Variants in ARHGEF3 observed in about 807,000 individuals in gnomAD.
ARHGEF3 encodes Rho guanine nucleotide exchange factor 3.
Under a neutral mutation model 63.2 loss-of-function variants are expected in ARHGEF3, and 28 were observed. That is an observed-to-expected ratio of 0.44 (90% CI 0.33 to 0.61). The LOEUF (loss-of-function observed/expected upper bound fraction) is 0.61. Among genes scored for constraint, ARHGEF3 ranks in the 20% least tolerant of loss-of-function variants. ARHGEF3 has a pLI of 0.03. For missense variants in ARHGEF3, 533 were observed against 659.3 expected (o/e 0.81, Z 2.10); for synonymous variants, 266 against 254.2 (o/e 1.05, Z -0.44).
chr3:57,013,152 C>T (rs1702778576), intron 2 of ARHGEF3, among the ~76,000 whole-genome samples: 1 of 152,254 alleles, frequency 6.6e-6, no homozygotes, highest in African/African-American at 2.4e-5. Context: ...GCCCCCCGCC[C>T]TGGCGGTGGG....
At position 56,967,101 on chromosome 3, in the gene ARHGEF3, G is replaced by A. The variant is rs1043627775; in HGVS notation, c.63-8212C>T. ...TGGTCTCGAACTCCCGACCTCAAGTGATCTGCCTGCCTCGGCCTCCGAAAG... is the reference window on the plus strand; with the variant it reads ...TGGTCTCGAACTCCCGACCTCAAGTAATCTGCCTGCCTCGGCCTCCGAAAG... On this transcript the variant is annotated intron_variant, in intron 2 of 12. Transcript: ENST00000338458. 2.0e-5 allele frequency among the ~76,000 whole-genome samples: 3 copies of A among 147,994 alleles called. No individual in the cohort carries two copies. In the South Asian group the frequency reaches 6.3e-4, roughly 31 times the overall value.
At position 57,038,015 on chromosome 3, in the gene ARHGEF3, TG is replaced by T. The variant is rs557448228; in HGVS notation, c.-27-2840del. ...TGACACGGACATTGACATGGATTGT[TG>T]CATCAAATTCTCACACCAGCCCTAG... On this transcript the variant is annotated intron_variant, in intron 1 of 12. Coordinates refer to the ARHGEF3 transcript ENST00000338458. Among the ~76,000 whole-genome samples, 32 of 152,378 alleles carry T rather than the reference TG, an allele frequency of 2.1e-4. No individual in the cohort carries two copies. The South Asian group carries it at 6.6e-3, about 32-fold the overall frequency.
intron 2 of ARHGEF3, among the ~76,000 whole-genome samples, chr3:56,768,667 C>CA (rs770390697): frequency 0.04 from 1,739 of 43,974 alleles, 28 homozygotes; most frequent in African/African-American, 0.076. Context: ...AAGCAAAATG[C>CA]AAAAAAAAAA....
chr3:56,919,880 G>C (rs968057520), intron 3 of ARHGEF3, among the ~76,000 whole-genome samples: 3 of 152,190 alleles, frequency 2.0e-5, no homozygotes, highest in Admixed American at 6.5e-5. Flanking sequence ...GGTTGGTCAG[G>C]AGTGGGGCCT....
intron 2 of ARHGEF3, among the ~76,000 whole-genome samples, chr3:56,968,021 CATAT>C (rs368043933): frequency 1.9e-5 from 1 of 52,816 alleles, no homozygotes; most frequent in Non-Finnish European, 3.1e-5. Flanking sequence ...AAATATAAAA[CATAT>C]ATATTTAATA....
At chr3:56,761,952 T>C (rs1239759838) in intron 2 of ARHGEF3, among the ~76,000 whole-genome samples, 2 of 152,206 alleles carry the variant, frequency 1.3e-5, no homozygotes, top group Admixed American at 6.5e-5. Context: ...AGTTTACTTC[T>C]TGGCCTGTAG....
At chr3:57,074,452 G>A (rs1168595519) in intron 1 of ARHGEF3, 6 of 610,446 alleles carry the variant, frequency 9.8e-6, no homozygotes, top group Non-Finnish European at 1.8e-5. Context: ...TATCACAGAT[G>A]AAGAAATCAA....
At chr3:57,028,007 A>G (rs1187131820) in intron 2 of ARHGEF3, among the ~76,000 whole-genome samples, 1 of 152,038 alleles carries the variant, frequency 6.6e-6, no homozygotes, top group African/African-American at 2.4e-5. Flanking sequence ...ATCTCACATC[A>G]GTTAGAATGG....
chr3:57,028,980 GACACACACAC>G (rs58006138), intron 2 of ARHGEF3, among the ~76,000 whole-genome samples: 2 of 142,144 alleles, frequency 1.4e-5, no homozygotes, highest in African/African-American at 5.2e-5. Context: ...TAATGGTGAA[GACACACACAC>G]ACACACACAC....
chr3:56,780,599 C>T (rs1052834702), intron 1 of ARHGEF3, among the ~76,000 whole-genome samples: 11 of 152,046 alleles, frequency 7.2e-5, no homozygotes, highest in Non-Finnish European at 1.5e-4. Flanking sequence ...AGTTATATTT[C>T]TGTCCCATCT....
chr3:56,785,126 C>A (rs1356802217), intron 1 of ARHGEF3, among the ~76,000 whole-genome samples: 1 of 152,128 alleles, frequency 6.6e-6, no homozygotes, highest in Non-Finnish European at 1.5e-5. Context: ...GCTAGAGTTC[C>A]ACGTCACCTG....
intron 3 of ARHGEF3, among the ~76,000 whole-genome samples, chr3:56,891,460 A>G (rs1160506983): frequency 1.3e-5 from 2 of 151,960 alleles, no homozygotes; most frequent in African/African-American, 4.8e-5. Context: ...AGAAATGGGA[A>G]ATCATGATGT....
chr3:56,750,259 C>T (rs1447388771), intron 6 of ARHGEF3, among the ~76,000 whole-genome samples: 7 of 152,088 alleles, frequency 4.6e-5, no homozygotes, highest in Non-Finnish European at 1.0e-4. Flanking sequence ...GAATAGGGAG[C>T]GGTGGGGACT....
At chr3:56,919,420 T>C (rs2042069249) in intron 3 of ARHGEF3, among the ~76,000 whole-genome samples, 1 of 152,234 alleles carries the variant, frequency 6.6e-6, no homozygotes, top group East Asian at 1.9e-4. Context: ...AACATTGTTC[T>C]ACCACTTGCT....
At chr3:56,869,374 G>A (rs1484927617) in intron 4 of ARHGEF3, among the ~76,000 whole-genome samples, 1 of 152,186 alleles carries the variant, frequency 6.6e-6, no homozygotes, top group Non-Finnish European at 1.5e-5. Context: ...TGCTCATACT[G>A]AGTCAGCTCT....
intron 1 of ARHGEF3, among the ~76,000 whole-genome samples, chr3:57,065,444 G>C (rs558925466): frequency 2.0e-5 from 3 of 151,844 alleles, no homozygotes; most frequent in African/African-American, 7.3e-5. Flanking sequence ...CTGGGCAACA[G>C]AGCAGGACTC....
chr3:56,954,539 CTCCACCCTAAACCA>C (rs750794511), intron 3 of ARHGEF3, among the ~76,000 whole-genome samples: 4 of 152,184 alleles, frequency 2.6e-5, no homozygotes, highest in Admixed American at 1.3e-4. Context: ...TCCATGTCCA[CTCCACCCTAAACCA>C]TCCTCTCTGC....
At chr3:57,005,589 A>G (rs1450128672) in intron 2 of ARHGEF3, among the ~76,000 whole-genome samples, 1 of 152,152 alleles carries the variant, frequency 6.6e-6, no homozygotes, top group African/African-American at 2.4e-5. Flanking sequence ...AGTTGCTGTG[A>G]CAGCCTGCCC....
intron 3 of ARHGEF3, among the ~76,000 whole-genome samples, chr3:56,887,615 G>A (rs1008302617): frequency 3.3e-5 from 5 of 152,208 alleles, no homozygotes; most frequent in Admixed American, 6.5e-5. Flanking sequence ...ACCTGGGGGC[G>A]TTCCCAGGCA....
Sources: gnomAD v4.1 joint callset for allele counts (sites outside exome capture counted in the v4.1 genomes callset) on GRCh38, gnomAD v4.1.1 for gene constraint, MANE v1.5 for transcripts, NCBI Gene and HGNC (gene_info 2026-07-23, HGNC 2026-07-21) for gene names.